Variants in FHAD1 observed in about 807,000 individuals in gnomAD.
FHAD1 encodes the protein forkhead associated phosphopeptide binding domain 1, also known as forkhead-associated domain-containing protein 1.
FHAD1 carries 146 observed loss-of-function variants against 191.3 expected under a neutral mutation model. The observed-to-expected ratio is 0.76, with a 90% CI of 0.67 to 0.88. FHAD1 has a LOEUF of 0.88. FHAD1 is among the 40% of genes least tolerant of loss of function. The pLI, the probability that FHAD1 is intolerant of heterozygous loss-of-function variation, is 0.00. For synonymous variants in FHAD1, 616 were observed against 672.3 expected (o/e 0.92, Z 1.29); for missense variants, 1,635 against 1,785.8 (o/e 0.92, Z 1.52).
downstream of FHAD1, among the ~76,000 whole-genome samples, chr1:15,398,340 T>C (rs1706626246): frequency 6.6e-6 from 1 of 151,934 alleles, no homozygotes; most frequent in African/African-American, 2.4e-5. Context: ...TTTTATTGCT[T>C]CCATAATAAT....
chr1:15,299,792 A>T (rs1298433018), intron 5 of FHAD1, among the ~76,000 whole-genome samples: 1 of 152,234 alleles, frequency 6.6e-6, no homozygotes, highest in Non-Finnish European at 1.5e-5. Context: ...CCTGGCTGGA[A>T]ATGGAGCCCT....
intron 2 of FHAD1, among the ~76,000 whole-genome samples, chr1:15,255,202 A>G (rs1427444412): frequency 3.9e-5 from 6 of 152,070 alleles, no homozygotes; most frequent in Admixed American, 3.9e-4. Context: ...TAAATCCTAA[A>G]GAGTAGGGAG....
At chr1:15,305,650 C>A (rs1558058628) in intron 6 of FHAD1, 1 of 244,358 alleles carries the variant, frequency 4.1e-6, no homozygotes, top group Non-Finnish European at 8.4e-6. Context: ...ATCATGGGGG[C>A]CAGTATTTCC....
intron 1 of FHAD1, among the ~76,000 whole-genome samples, chr1:15,239,870 G>T (rs781434359): frequency 6.6e-6 from 1 of 152,156 alleles, no homozygotes; most frequent in Non-Finnish European, 1.5e-5. Flanking sequence ...AAAAATGTTT[G>T]TCAGAATCTT....
At chr1:15,320,514 TA>T (rs758865873) in intron 10 of FHAD1, among the ~76,000 whole-genome samples, 1 of 152,240 alleles carries the variant, frequency 6.6e-6, no homozygotes, top group Non-Finnish European at 1.5e-5. Context: ...ATCTTTGCTT[TA>T]TATATTTTGA....
At chr1:15,258,815 T>C (rs1649611814) in intron 2 of FHAD1, among the ~76,000 whole-genome samples, 1 of 152,106 alleles carries the variant, frequency 6.6e-6, no homozygotes, top group African/African-American at 2.4e-5. Flanking sequence ...CTCAAACTCC[T>C]GACCTCAGGT....
intron 4 of FHAD1, among the ~76,000 whole-genome samples, chr1:15,296,206 G>A (rs1327779625): frequency 1.3e-5 from 2 of 151,808 alleles, no homozygotes; most frequent in Non-Finnish European, 2.9e-5. Flanking sequence ...TAGTACTTCC[G>A]TGATGCTTTC....
At chr1:15,266,825 T>G (rs1653733395) in intron 2 of FHAD1, among the ~76,000 whole-genome samples, 1 of 152,218 alleles carries the variant, frequency 6.6e-6, no homozygotes, top group Non-Finnish European at 1.5e-5. Context: ...TTCATGTAGT[T>G]GAAATCATAC....
intron 6 of FHAD1, among the ~76,000 whole-genome samples, chr1:15,307,734 C>CTT (rs1173045025): frequency 4.1e-5 from 6 of 145,558 alleles, no homozygotes; most frequent in Non-Finnish European, 3.0e-5. Context: ...ACCTCTTTCT[C>CTT]TTTTTTTTTT....
In FHAD1 at chr1:15,374,566, G is replaced by T; in HGVS notation, c.3512G>T (p.Arg1171Leu). 1.3e-6 allele frequency: 2 copies of T among 1,551,714 alleles called. No homozygotes were observed. The highest frequency in any genetic ancestry group is 1.7e-6 in the Non-Finnish European group (2 of 1,147,008). The stretch of plus-strand genomic sequence containing the variant: ...TCCCGGCACGAGGAGGTCATTCAGC[G>T]TCAGAAAAAGGCCTTATCTGAACTT... ...KGSRHEEVIQ[R>L]QKKALSELRA... is the part of the protein sequence containing the mutation. The change falls in exon 27 of 34, where the codon CGT becomes CTT. Residue 1171 changes from arginine to leucine, a missense_variant. Transcript: ENST00000688493.
chr1:15,273,993 T>C (rs1348900986), intron 3 of FHAD1, among the ~76,000 whole-genome samples: 2 of 152,230 alleles, frequency 1.3e-5, no homozygotes, highest in African/African-American at 4.8e-5. Context: ...AATCATACGA[T>C]ATTTGTCCTT....
intron 3 of FHAD1, among the ~76,000 whole-genome samples, chr1:15,283,201 A>G (rs553620359): frequency 6.6e-6 from 1 of 152,362 alleles, no homozygotes; most frequent in South Asian, 2.1e-4. Context: ...GGGTGTTGCC[A>G]TGGCAATGCG....
Position 15,313,088 on chromosome 1 carries a change from A to C in FHAD1, c.1071A>C (p.Leu357Phe), listed in dbSNP as rs966176957. The C allele has an allele frequency of 6.4e-7, 1 of 1,551,746 alleles. No individual in the cohort carries two copies. Among genetic ancestry groups the C allele is most frequent in the East Asian group, 2.4e-5 (1 of 40,922 alleles). The change falls in exon 8 of 34, where the codon TTA becomes TTC. Residue 357 changes from leucine to phenylalanine, a missense_variant. Physicochemically the swap from Leu to Phe is conservative, Grantham distance 22 (BLOSUM62 0). Transcript: ENST00000688493. Reference sequence around the variant, plus strand: ...TGTCATCTTTGCAAAAAGACATATTAGCAAAGGATGAGCAAGTTCAACAAC... The same window carrying C: ...TGTCATCTTTGCAAAAAGACATATTCGCAAAGGATGAGCAAGTTCAACAAC... ...GMVSSLQKDILAKDEQVQQLK... is the reference protein window; with the variant it reads ...GMVSSLQKDIFAKDEQVQQLK...
intron 1 of FHAD1, among the ~76,000 whole-genome samples, chr1:15,249,715 C>T (rs1414463218): frequency 6.6e-6 from 1 of 151,976 alleles, no homozygotes; most frequent in Non-Finnish European, 1.5e-5. Context: ...TATTTCATGT[C>T]CTAAGTGTCA....
At chr1:15,313,604 G>A (rs1367122046) in intron 8 of FHAD1, among the ~76,000 whole-genome samples, 3 of 152,142 alleles carry the variant, frequency 2.0e-5, no homozygotes, top group African/African-American at 4.8e-5. Context: ...AAGAGGACAC[G>A]GTGGGCTTCC....
At chr1:15,322,412 A>G (rs1676617514) in intron 10 of FHAD1, among the ~76,000 whole-genome samples, 1 of 152,166 alleles carries the variant, frequency 6.6e-6, no homozygotes, top group African/African-American at 2.4e-5. Flanking sequence ...GAGCTTTTCA[A>G]GATGCCTGTT....
intron 28 of FHAD1, among the ~76,000 whole-genome samples, chr1:15,376,282 G>C (rs1227848568): frequency 2.0e-5 from 3 of 151,978 alleles, no homozygotes; most frequent in Non-Finnish European, 2.9e-5. Context: ...AGTAGAGACA[G>C]GGTTTCACCT....
chr1:15,377,843 G>A (rs957950053), intron 28 of FHAD1, among the ~76,000 whole-genome samples: 2 of 151,732 alleles, frequency 1.3e-5, no homozygotes, highest in African/African-American at 4.8e-5. Context: ...AAAAAAAAAA[G>A]AAAAGAAAAA....
At chr1:15,264,548 A>ATGTGTGTG (rs71572146) in intron 2 of FHAD1, among the ~76,000 whole-genome samples, 2,234 of 147,326 alleles carry the variant, frequency 0.015, 41 homozygotes, top group East Asian at 0.042. Context: ...ATATGTATAT[A>ATGTGTGTG]TGTGTGTGTG....
Sources: allele counts gnomAD v4.1 joint callset (sites outside exome capture counted in the v4.1 genomes callset), GRCh38; gene constraint gnomAD v4.1.1; transcripts MANE v1.5; gene names NCBI Gene and HGNC (gene_info 2026-07-23, HGNC 2026-07-21).